Variants in ZFPM1 observed in about 807,000 individuals in gnomAD.
ZFPM1 encodes the protein zinc finger protein, FOG family member 1.
Under a neutral mutation model 46.3 loss-of-function variants are expected in ZFPM1, and 28 were observed. The observed-to-expected ratio is 0.60, with a 90% confidence interval of 0.45 to 0.83. The LOEUF (loss-of-function observed/expected upper bound fraction) is 0.83, where lower values mean the gene tolerates loss of function less well. ZFPM1 is among the 40% of genes least tolerant of loss of function. The pLI, the probability that ZFPM1 is intolerant of heterozygous loss-of-function variation, is 0.00. For synonymous variants in ZFPM1, 957 were observed against 675.9 expected, an observed-to-expected ratio of 1.42 and a Z score of -6.45; for missense variants, 1,878 against 1,432.4, an observed-to-expected ratio of 1.31 and a Z score of -5.02.
chr16:88,518,585 G>C (rs1004867365), intron 4 of ZFPM1, among the ~76,000 whole-genome samples: 2 of 150,620 alleles, frequency 1.3e-5, no homozygotes, highest in South Asian at 4.2e-4. Context: ...TAGATGGACG[G>C]ATGGTTGGGT....
intron 6 of ZFPM1, 112 bp downstream of exon 6, chr16:88,528,350 C>G: frequency 8.2e-7 from 1 of 1,224,006 alleles, no homozygotes; most frequent in Non-Finnish European, 1.1e-6. Context: ...AGGCTGCCGA[C>G]AGAGTGAGAG....
rs142618789 is a variant in ZFPM1, at chr16:88,527,949, G to C, written c.506-83G>C. The C allele has an allele frequency of 2.2e-3, 3,111 of 1,395,590 alleles. 56 individuals are homozygous for C. In the African/African-American group the frequency reaches 0.039, roughly 17 times the overall value. The allele number at this position is 1,395,590 out of a possible 1,614,324, so 86.5% of individuals were successfully genotyped here. On this transcript the variant is annotated intron_variant, in intron 5 of 9. Transcript: ENST00000319555. ...TGTGAACCCGGGTGGCCGCTCTCCT[G>C]ACCCCATCCTCTGCCCCTTGTTTAA...
At position 88,534,502 on chromosome 16, in the gene ZFPM1, G is replaced by A. The variant is rs754779720; in HGVS notation, c.2544G>A (p.Ala848=). The change falls in exon 10 of 10, where the codon GCG becomes GCA. Residue 848 remains alanine (A), a synonymous_variant. Coordinates refer to ENST00000319555, the MANE Select transcript of ZFPM1 (RefSeq NM_153813.3). The stretch of plus-strand genomic sequence containing the variant: ...GCCCCGCTGCGCCACCGCCCGGCGC[G>A]CTCGGCCTGCCCGCCGCCGCCTGCC... ...YSCPAAPPPG[A]LGLPAAACPY... is the part of the protein sequence containing the mutation. 2.7e-6 allele frequency: 4 copies of A among 1,455,568 alleles called. No homozygotes were observed. Among genetic ancestry groups the A allele is most frequent in the East Asian group, 6.1e-5 (2 of 32,576 alleles). The allele number at this position is 1,455,568 out of a possible 1,614,324, so 90.2% of individuals were successfully genotyped here.
At chr16:88,486,616 G>A (rs1363258690) in intron 2 of ZFPM1, among the ~76,000 whole-genome samples, 1 of 151,762 alleles carries the variant, frequency 6.6e-6, no homozygotes, top group African/African-American at 2.4e-5. Context: ...GCAGATGGGT[G>A]CTGGGTGCAC....
intron 2 of ZFPM1, among the ~76,000 whole-genome samples, chr16:88,487,284 C>G (rs192338310): frequency 6.6e-6 from 1 of 152,302 alleles, no homozygotes; most frequent in African/African-American, 2.4e-5. Flanking sequence ...CCAGCTCCCC[C>G]ACACTCCACT....
At chr16:88,489,209 C>T in intron 3 of ZFPM1, 56 bp downstream of exon 3, 1 of 1,532,054 alleles carries the variant, frequency 6.5e-7, no homozygotes, top group East Asian at 2.5e-5. Flanking sequence ...CCTGGCCCGG[C>T]CCCTGGGAGC....
At chr16:88,483,221 A>G (rs908044316) in intron 1 of ZFPM1, among the ~76,000 whole-genome samples, 1 of 151,842 alleles carries the variant, frequency 6.6e-6, no homozygotes, top group Non-Finnish European at 1.5e-5. Flanking sequence ...CAGCTAGGAG[A>G]GTCCAGCCTG....
At chr16:88,467,666 A>C (rs754422818) in intron 1 of ZFPM1, among the ~76,000 whole-genome samples, 4 of 152,022 alleles carry the variant, frequency 2.6e-5, no homozygotes, top group Admixed American at 2.0e-4. Flanking sequence ...TCCTCCAGTC[A>C]CGGGCTCTGG....
intron 5 of ZFPM1, among the ~76,000 whole-genome samples, 200 bp downstream of exon 5, chr16:88,527,116 G>C (rs911828704): frequency 2.6e-5 from 4 of 152,186 alleles, no homozygotes; most frequent in East Asian, 3.9e-4. Context: ...CCCTGTATGA[G>C]GGTCCCGACT....
At chr16:88,489,515 C>T (rs1442033072) in intron 3 of ZFPM1, among the ~76,000 whole-genome samples, 3 of 152,186 alleles carry the variant, frequency 2.0e-5, no homozygotes, top group Admixed American at 2.0e-4. Context: ...TGCCCGGGCC[C>T]GTGGCCTTCC....
intron 1 of ZFPM1, among the ~76,000 whole-genome samples, chr16:88,485,448 T>C (rs1424179645): frequency 1.3e-5 from 2 of 151,148 alleles, no homozygotes; most frequent in East Asian, 1.9e-4. Context: ...GTCTTTTTTT[T>C]TTTTTTTTGA....
chr16:88,493,228 TG>T (rs1206173093), intron 3 of ZFPM1, among the ~76,000 whole-genome samples: 2 of 145,174 alleles, frequency 1.4e-5, no homozygotes, highest in Non-Finnish European at 3.0e-5. Context: ...TGGGGAGAGC[TG>T]TCCCACGGTG....
At position 88,533,273 on chromosome 16, in the gene ZFPM1, G is replaced by A. The variant is rs1251299786; in HGVS notation, c.1315G>A (p.Gly439Arg). 6.8e-7 allele frequency: 1 copy of A among 1,475,730 alleles called. No homozygotes were observed. The highest frequency in any genetic ancestry group is 8.9e-7 in the Non-Finnish European group (1 of 1,124,040). The allele number at this position is 1,475,730 out of a possible 1,614,324, so 91.4% of individuals were successfully genotyped here. Residue 439 changes from glycine (G) to arginine (R), a missense_variant, in exon 10 of 10, where the codon GGA (glycine) becomes AGA (arginine). Gly to Arg is a moderately radical substitution (Grantham distance 125). Coordinates refer to ENST00000319555, the MANE Select transcript of ZFPM1 (RefSeq NM_153813.3). ...DRKALAEATN[G>R]EARAEPLAQN... Reference sequence around the variant, plus strand: ...AAAGGCCCTGGCCGAGGCCACCAACGGAGAGGCCAGAGCGGAGCCTCTGGC... The same window carrying A: ...AAAGGCCCTGGCCGAGGCCACCAACAGAGAGGCCAGAGCGGAGCCTCTGGC...
In ZFPM1 at chr16:88,532,183, C is replaced by G; in HGVS notation, c.894C>G (p.Arg298=). The stretch of plus-strand genomic sequence containing the variant: ...GCGTCTGCCCCTTCCCCCAGTGCCG[C>G]AAGAGCTGCCCCAGCGCCAGCTCCC... ...NERVCPFPQC[R]KSCPSASSLE... Residue 298 remains arginine (R), a synonymous_variant, in exon 7 of 10, where the codon CGC becomes CGG. Coordinates refer to ENST00000319555, the MANE Select transcript of ZFPM1 (RefSeq NM_153813.3). The G allele has an allele frequency of 1.9e-6, 3 of 1,611,286 alleles. No homozygotes were observed. The highest frequency in any genetic ancestry group is 2.5e-6 in the Non-Finnish European group (3 of 1,178,804).
chr16:88,522,674 C>A (rs1376850999), intron 4 of ZFPM1, among the ~76,000 whole-genome samples: 1 of 152,188 alleles, frequency 6.6e-6, no homozygotes, highest in East Asian at 1.9e-4. Flanking sequence ...ATTCTCAGGT[C>A]CGCCCGGGGA....
At chr16:88,518,244 G>A (rs1567548715) in intron 4 of ZFPM1, among the ~76,000 whole-genome samples, 1 of 152,184 alleles carries the variant, frequency 6.6e-6, no homozygotes, top group Non-Finnish European at 1.5e-5. Context: ...GTAGATAGGT[G>A]GATGGGTGGG....
In ZFPM1 at chr16:88,497,040, C is replaced by T. The variant is rs769979793; in HGVS notation, c.268+7887C>T. 3.9e-5 allele frequency among the ~76,000 whole-genome samples: 6 copies of T among 152,204 alleles called. No homozygotes were observed. The South Asian group carries it at 6.2e-4, about 16-fold the overall frequency. On this transcript the variant is annotated intron_variant, in intron 3 of 9. Coordinates refer to ENST00000319555, the MANE Select transcript of ZFPM1 (RefSeq NM_153813.3). The surrounding 1 kb of genome is among the most constrained non-coding windows in gnomAD (Gnocchi z 5.4). ...ACACCTGCTCCTGGCTCGCTCCACCCGTAAGTGCCTCAGGACCTGGAGCTC... is the reference window on the plus strand; with the variant it reads ...ACACCTGCTCCTGGCTCGCTCCACCTGTAAGTGCCTCAGGACCTGGAGCTC...
chr16:88,529,736 G>C (rs1197097726), intron 6 of ZFPM1, among the ~76,000 whole-genome samples: 1 of 152,208 alleles, frequency 6.6e-6, no homozygotes, highest in African/African-American at 2.4e-5. Flanking sequence ...GCAGAGAAAT[G>C]ACTACTGGTC....
intron 3 of ZFPM1, among the ~76,000 whole-genome samples, chr16:88,489,928 G>A (rs1475510952): frequency 2.0e-5 from 3 of 152,182 alleles, no homozygotes; most frequent in Non-Finnish European, 4.4e-5. Context: ...GGGAGCTGGT[G>A]GGTGAGGGAG....
Sources: gnomAD v4.1 joint callset for allele counts (sites outside exome capture counted in the v4.1 genomes callset) on GRCh38, gnomAD v4.1.1 for gene constraint, Gnocchi (gnomAD v3.1) non-coding constraint, MANE v1.5 for transcripts, NCBI Gene and HGNC (gene_info 2026-07-23, HGNC 2026-07-21) for gene names.